NAV3: variants seen among roughly 807,000 people sequenced by gnomAD.
The protein encoded by NAV3 is neuron navigator 3, also known as pore membrane and/or filament interacting like protein 1.
Under a neutral mutation model 244.7 loss-of-function variants are expected in NAV3, and 87 were observed. That is an observed-to-expected ratio of 0.36 (90% CI 0.30 to 0.42). NAV3 has a LOEUF of 0.42. Among genes scored for constraint, NAV3 ranks in the 20% least tolerant of loss-of-function variants. The pLI, the probability that NAV3 is intolerant of heterozygous loss-of-function variation, is 1.00. For synonymous variants in NAV3, 1,126 were observed against 1,042.2 expected (o/e 1.08, Z -1.55); for missense variants, 2,663 against 2,893.3 (o/e 0.92, Z 1.83).
chr12:77,763,123 GTACCCCTGCCTTC>G (rs769256072), intron 2 of NAV3, among the ~76,000 whole-genome samples: 22 of 152,174 alleles, frequency 1.4e-4, no homozygotes, highest in Non-Finnish European at 2.6e-4. Flanking sequence ...AATATAGACT[GTACCCCTGCCTTC>G]TACATACTGC....
chr12:77,752,093 C>T (rs1218903513), intron 2 of NAV3, among the ~76,000 whole-genome samples: 1 of 152,064 alleles, frequency 6.6e-6, no homozygotes, highest in Non-Finnish European at 1.5e-5. Context: ...TTTGTCTGTG[C>T]GCTTTTCTGT....
chr12:77,784,949 T>A (rs986009493), intron 2 of NAV3, among the ~76,000 whole-genome samples: 1 of 152,164 alleles, frequency 6.6e-6, no homozygotes, highest in Admixed American at 6.5e-5. Context: ...AAGGTTCTTG[T>A]ATGGCTGGAT....
At chr12:77,778,626 A>G (rs1870509044) in intron 2 of NAV3, among the ~76,000 whole-genome samples, 1 of 151,920 alleles carries the variant, frequency 6.6e-6, no homozygotes, top group African/African-American at 2.4e-5. Flanking sequence ...AAAAAAAAAA[A>G]AAAAAGAAAA....
At chr12:77,922,944 A>G (rs986601350) in intron 1 of NAV3, among the ~76,000 whole-genome samples, 2 of 152,024 alleles carry the variant, frequency 1.3e-5, no homozygotes, top group Admixed American at 6.6e-5. Context: ...TGCTTCTAGT[A>G]TTTTTATACG....
chr12:77,600,325 C>T (rs1019449245), intron 2 of NAV3, among the ~76,000 whole-genome samples: 4 of 151,936 alleles, frequency 2.6e-5, no homozygotes, highest in African/African-American at 7.2e-5. Flanking sequence ...TGATCTTATA[C>T]TGACTACTGA....
chr12:77,815,458 A>G (rs914484821), intron 2 of NAV3, among the ~76,000 whole-genome samples: 1 of 152,140 alleles, frequency 6.6e-6, no homozygotes, highest in Non-Finnish European at 1.5e-5. Flanking sequence ...GCACACAGTA[A>G]ATATTGACTT....
chr12:77,864,814 G>A (rs1328940164), intron 1 of NAV3, among the ~76,000 whole-genome samples: 1 of 151,916 alleles, frequency 6.6e-6, no homozygotes, highest in Non-Finnish European at 1.5e-5. Context: ...TATGCTTGAT[G>A]AGGGAAGAAG....
At chr12:78,094,831 G>A (rs181492274) in intron 12 of NAV3, among the ~76,000 whole-genome samples, 2 of 151,812 alleles carry the variant, frequency 1.3e-5, no homozygotes, top group South Asian at 2.1e-4. Context: ...GGTGGATCAC[G>A]AGGTCAGGAG....
At chr12:78,081,046 T>C (rs1953321269) in intron 12 of NAV3, among the ~76,000 whole-genome samples, 2 of 152,008 alleles carry the variant, frequency 1.3e-5, no homozygotes, top group South Asian at 2.1e-4. Flanking sequence ...AGACAGGAAA[T>C]AGAGAAGTCA....
chr12:78,065,062 A>T (rs1432156030), intron 12 of NAV3, among the ~76,000 whole-genome samples: 1 of 152,114 alleles, frequency 6.6e-6, no homozygotes, highest in African/African-American at 2.4e-5. Context: ...ATTCACAGAC[A>T]TGGTTATATA....
chr12:78,084,225 T>C (rs934790247), intron 12 of NAV3, among the ~76,000 whole-genome samples: 1 of 152,218 alleles, frequency 6.6e-6, no homozygotes, highest in African/African-American at 2.4e-5. Flanking sequence ...GTTAGCATGT[T>C]TACAGCTTCC....
chr12:77,804,770 C>G (rs1328454131), intron 2 of NAV3, among the ~76,000 whole-genome samples: 1 of 151,914 alleles, frequency 6.6e-6, no homozygotes, highest in Non-Finnish European at 1.5e-5. Context: ...GGCAGTATGG[C>G]CATTTTCACG....
At chr12:78,081,097 G>T (rs1953325394) in intron 12 of NAV3, among the ~76,000 whole-genome samples, 1 of 152,166 alleles carries the variant, frequency 6.6e-6, no homozygotes, top group Non-Finnish European at 1.5e-5. Context: ...AGCCTATCAG[G>T]CTATGTAAGT....
chr12:77,748,188 A>G (rs945829081), intron 2 of NAV3, among the ~76,000 whole-genome samples: 6 of 152,280 alleles, frequency 3.9e-5, no homozygotes, highest in South Asian at 2.1e-4. Flanking sequence ...ATCTCCTGCT[A>G]CTGGTGATTT....
intron 5 of NAV3, among the ~76,000 whole-genome samples, chr12:77,975,372 C>G (rs903181106): frequency 3.3e-5 from 5 of 152,146 alleles, no homozygotes; most frequent in African/African-American, 1.2e-4. Context: ...TTTCTTGAAG[C>G]TTTCATTCTA....
intron 9 of NAV3, among the ~76,000 whole-genome samples, chr12:78,039,499 T>A (rs1880488318): frequency 6.6e-6 from 1 of 152,066 alleles, no homozygotes; most frequent in Non-Finnish European, 1.5e-5. Context: ...TCCAAATCAC[T>A]ACTAGGGCCA....
chr12:77,617,684 A>G (rs1325179886), intron 2 of NAV3, among the ~76,000 whole-genome samples: 1 of 152,098 alleles, frequency 6.6e-6, no homozygotes, highest in Non-Finnish European at 1.5e-5. Context: ...GGTATGGTGG[A>G]GAGTGAGGGG....
At chr12:77,907,729 T>C (rs940013730) in intron 1 of NAV3, among the ~76,000 whole-genome samples, 2 of 152,092 alleles carry the variant, frequency 1.3e-5, no homozygotes, top group East Asian at 1.9e-4. Flanking sequence ...ACCTGATTTT[T>C]AGTTAAGAAA....
intron 1 of NAV3, among the ~76,000 whole-genome samples, chr12:77,938,840 T>C (rs939660965): frequency 6.6e-6 from 1 of 151,976 alleles, no homozygotes; most frequent in Admixed American, 6.6e-5. Context: ...AAATGGCTCT[T>C]AGAAAAGCTG....
Sources: allele counts gnomAD v4.1 joint callset (sites outside exome capture counted in the v4.1 genomes callset), GRCh38; gene constraint gnomAD v4.1.1; transcripts MANE v1.5; gene names NCBI Gene and HGNC (gene_info 2026-07-23, HGNC 2026-07-21).